The following LIFR variants were observed in gnomAD, a reference collection of about 807,000 sequenced individuals.
The protein encoded by LIFR is leukemia inhibitory factor receptor.
A neutral mutation model predicts 122.2 loss-of-function variants in LIFR; 84 were observed. That is an observed-to-expected ratio of 0.69 (90% CI 0.58 to 0.82). LIFR has a LOEUF of 0.82. Ranked by LOEUF, LIFR falls within the 40% of genes least tolerant of loss-of-function variation. LIFR has a pLI of 0.00. For missense variants in LIFR, 1,294 were observed against 1,311.6 expected (o/e 0.99, Z 0.21); for synonymous variants, 422 against 434.7 (o/e 0.97, Z 0.36).
intron 1 of LIFR, among the ~76,000 whole-genome samples, chr5:38,579,945 T>A (rs1387786164): frequency 6.6e-6 from 1 of 152,208 alleles, no homozygotes; most frequent in Non-Finnish European, 1.5e-5. Context: ...ATAAGCTAGC[T>A]CTTCCAGGTA....
chr5:38,540,345 T>C (rs1747524290), intron 1 of LIFR, among the ~76,000 whole-genome samples: 1 of 152,216 alleles, frequency 6.6e-6, no homozygotes, highest in Non-Finnish European at 1.5e-5. Flanking sequence ...CCCCGACCTG[T>C]CCGGTGAATA....
intron 1 of LIFR, chr5:38,595,093 A>G (rs1750055633): frequency 5.7e-6 from 1 of 176,544 alleles, no homozygotes; most frequent in African/African-American, 2.4e-5. Flanking sequence ...ACAGGAAACC[A>G]CACAAGAAAT....
At chr5:38,578,982 T>G (rs1298279751) in intron 1 of LIFR, among the ~76,000 whole-genome samples, 2 of 152,176 alleles carry the variant, frequency 1.3e-5, no homozygotes, top group African/African-American at 4.8e-5. Context: ...ACAGAATGAG[T>G]ACACCTGTGA....
intron 1 of LIFR, among the ~76,000 whole-genome samples, chr5:38,531,372 C>T (rs1197826992): frequency 6.6e-6 from 1 of 151,250 alleles, no homozygotes; most frequent in Non-Finnish European, 1.5e-5. Context: ...CCAAAGATCA[C>T]AAAACATATA....
upstream of LIFR, among the ~76,000 whole-genome samples, chr5:38,560,591 T>C (rs1399912013): frequency 6.7e-6 from 1 of 150,180 alleles, no homozygotes; most frequent in Non-Finnish European, 1.5e-5. Context: ...TTTTGTTTTG[T>C]TTTGTTTTTT....
intron 1 of LIFR, among the ~76,000 whole-genome samples, chr5:38,572,695 C>T (rs1180732951): frequency 6.6e-6 from 1 of 152,210 alleles, no homozygotes; most frequent in Non-Finnish European, 1.5e-5. Context: ...GAAATGTAAC[C>T]TGCTGGATTG....
Position 38,475,445 on chromosome 5 carries a change from G to A in LIFR, c.*6150C>T, listed in dbSNP as rs1421293397. The A allele has an allele frequency of 5.1e-6, 1 of 197,234 alleles. No homozygotes were observed. The highest frequency in any genetic ancestry group is 8.1e-5 in the East Asian group (1 of 12,394). 12.2% of individuals were successfully genotyped at this position (197,234 alleles called of 1,614,324 possible). On this transcript the variant is annotated 3_prime_UTR_variant, in exon 20 of 20. Coordinates refer to ENST00000453190, the MANE Select transcript of LIFR (RefSeq NM_001127671.2). The stretch of plus-strand genomic sequence containing the variant: ...AACTGTTTATTCACCTTAAAAAAAT[G>A]TCTGTAGTGGTAACATTTCAAGAAA...
intron 1 of LIFR, among the ~76,000 whole-genome samples, chr5:38,548,907 C>T (rs1321076280): frequency 6.6e-6 from 1 of 152,084 alleles, no homozygotes; most frequent in Non-Finnish European, 1.5e-5. Context: ...CTTGGAAATT[C>T]TGTATTAAGA....
At chr5:38,577,971 C>G (rs1029799620) in intron 1 of LIFR, among the ~76,000 whole-genome samples, 4 of 152,166 alleles carry the variant, frequency 2.6e-5, no homozygotes, top group African/African-American at 9.7e-5. Flanking sequence ...ATGGTGCCTT[C>G]TTAAATTGAA....
At chr5:38,569,151 A>C (rs1349943055) in intron 1 of LIFR, among the ~76,000 whole-genome samples, 1 of 152,090 alleles carries the variant, frequency 6.6e-6, no homozygotes, top group Non-Finnish European at 1.5e-5. Context: ...CCATTTTTAC[A>C]CTTGTTACTG....
At chr5:38,572,620 C>T (rs1749251488) in intron 1 of LIFR, among the ~76,000 whole-genome samples, 1 of 152,146 alleles carries the variant, frequency 6.6e-6, no homozygotes, top group African/African-American at 2.4e-5. Context: ...TCCTTCTGTG[C>T]GGGCCTGAAG....
chr5:38,481,426 T>C lies in LIFR; in HGVS notation c.*169A>G. ...TTCTGAGTCACTATACTTTGGCTTT[T>C]AGACTACATTAAAAGCACATGAACA... is the stretch of plus-strand genomic sequence containing the variant. On this transcript the variant is annotated 3_prime_UTR_variant, in exon 20 of 20. Coordinates refer to ENST00000453190, the MANE Select transcript of LIFR (RefSeq NM_001127671.2). 4.0e-6 allele frequency: 3 copies of C among 757,110 alleles called. No individual in the cohort carries two copies. In the South Asian group the frequency reaches 5.1e-5, roughly 13 times the overall value. 46.9% of individuals were successfully genotyped at this position (757,110 alleles called of 1,614,324 possible).
chr5:38,499,402 C>T (rs541803462), intron 12 of LIFR, 111 bp downstream of exon 12: 3 of 765,818 alleles, frequency 3.9e-6, no homozygotes, highest in Middle Eastern at 2.4e-4. Context: ...ACCAATATTG[C>T]AACAAAAGCC....
At position 38,481,533 on chromosome 5, in the gene LIFR, T is replaced by C; in HGVS notation, c.*62A>G. 6.4e-7 allele frequency: 1 copy of C among 1,555,452 alleles called. No individual in the cohort carries two copies. ...TCCCTCCAAGAATGCCCAGTGCTGA[T>C]GTAGCAACACTAGCAGTAAGAGCTT... is the stretch of plus-strand genomic sequence containing the variant. On this transcript the variant is annotated 3_prime_UTR_variant, in exon 20 of 20. Transcript: ENST00000453190.
chr5:38,528,901 G>C (rs1047130930), intron 2 of LIFR, 61 bp from the exon 3 acceptor site: 91 of 982,982 alleles, frequency 9.3e-5, no homozygotes, highest in Non-Finnish European at 1.3e-4. Flanking sequence ...CACAGAATAT[G>C]CTGAATAAGT....
rs1743853857 is a variant in LIFR at position 38,479,067 on chromosome 5, C to T, written c.*2528G>A. The T allele has an allele frequency of 4.3e-6, 1 of 232,186 alleles. No homozygotes were observed. Among genetic ancestry groups the T allele is most frequent in the South Asian group, 1.8e-4 (1 of 5,516 alleles). 14.4% of individuals were successfully genotyped at this position (232,186 alleles called of 1,614,324 possible). On this transcript the variant is annotated 3_prime_UTR_variant, in exon 20 of 20. Transcript: ENST00000453190. ...TATCTCAGACAACTGAACATGTGAC[C>T]AATCTCCTTCCAACTTCCCTCCCCT...
chr5:38,546,798 A>T (rs1291839405), intron 1 of LIFR, among the ~76,000 whole-genome samples: 2 of 152,196 alleles, frequency 1.3e-5, no homozygotes, highest in African/African-American at 4.8e-5. Context: ...TAAGCATTTG[A>T]GTTTTTGATC....
chr5:38,497,663 A>G (rs1051011454), intron 12 of LIFR, among the ~76,000 whole-genome samples: 5 of 152,116 alleles, frequency 3.3e-5, no homozygotes, highest in Non-Finnish European at 7.4e-5. Context: ...CCTCTTAAGT[A>G]TTCTTTCATT....
Position 38,489,245 on chromosome 5 carries a change from G to C in LIFR, c.2168C>G (p.Ala723Gly), listed in dbSNP as rs1463704251. 6.2e-7 allele frequency: 1 copy of C among 1,610,998 alleles called. No individual in the cohort carries two copies. Among genetic ancestry groups the C allele is most frequent in the African/African-American group, 1.3e-5 (1 of 74,882 alleles). The change falls in exon 16 of 20, where the codon GCT becomes GGT. Residue 723 changes from alanine to glycine, a missense_variant and splice_region_variant. Coordinates refer to ENST00000453190, the MANE Select transcript of LIFR (RefSeq NM_001127671.2). ...RSMIGYIEEL[A>G]PIVAPNFTVE... ...AGTAAAATTTGGTGCAACAATGGGAGCTGTAAAAGGAAAAAGTCAATTGCT... is the reference window on the plus strand; with the variant it reads ...AGTAAAATTTGGTGCAACAATGGGACCTGTAAAAGGAAAAAGTCAATTGCT...
Sources: allele counts gnomAD v4.1 joint callset (sites outside exome capture counted in the v4.1 genomes callset), GRCh38; gene constraint gnomAD v4.1.1; transcripts MANE v1.5; gene names NCBI Gene and HGNC (gene_info 2026-07-23, HGNC 2026-07-21).